SYTL4: variants seen among roughly 807,000 people sequenced by gnomAD.
SYTL4 encodes synaptotagmin-like protein 4.
In SYTL4, 16 loss-of-function variants were observed where a neutral mutation model predicts 52.7. The observed-to-expected ratio is 0.30, with a 90% confidence interval of 0.21 to 0.46. The LOEUF is 0.46. Ranked by LOEUF, SYTL4 falls within the 20% of genes least tolerant of loss-of-function variation. The pLI is 1.00. For missense variants in SYTL4, 423 were observed against 519.9 expected (o/e 0.81, Z 1.81); for synonymous variants, 160 against 186.6 (o/e 0.86, Z 1.16).
rs754334762 is a variant in SYTL4 at position 100,676,027 on chromosome X, C to T, written c.*1G>A. ...CTGGACCTGCAGAAGAGGACAGGGA[C>T]TCATAAACCCAGCTTCTGCTTGGCC... is the stretch of plus-strand genomic sequence containing the variant. On this transcript the variant is annotated 3_prime_UTR_variant, in exon 20 of 20. Transcript: ENST00000372989. 8.3e-7 allele frequency: 1 copy of T among 1,208,518 alleles called. No individual in the cohort carries two copies. The highest frequency in any genetic ancestry group is 1.8e-5 in the South Asian group (1 of 56,125).
rs2083580388 is a variant in SYTL4 at position 100,690,743 on chromosome X, A to C, written c.642-105T>G. Reference sequence around the variant, plus strand: ...GAGAGCCAATGGCTTGGGTCATCGTAATAACCAAATTCAGAAGGTACACTT... The same window carrying C: ...GAGAGCCAATGGCTTGGGTCATCGTCATAACCAAATTCAGAAGGTACACTT... On this transcript the variant is annotated intron_variant, in intron 9 of 19. Coordinates refer to ENST00000372989, the MANE Select transcript of SYTL4 (RefSeq NM_001370165.1). 7.0e-6 allele frequency: 4 copies of C among 567,470 alleles called. No individual in the cohort carries two copies. The East Asian group carries it at 1.5e-4, about 21-fold the overall frequency. 46.8% of individuals were successfully genotyped at this position (567,470 alleles called of 1,213,427 possible).
chrX:100,697,608 A>G (rs184601008), intron 8 of SYTL4, among the ~76,000 whole-genome samples: 1 of 112,247 alleles, frequency 8.9e-6, no homozygotes, highest in African/African-American at 3.2e-5. Context: ...GCTTTACACT[A>G]CAGGGGAACT....
At chrX:100,712,563 A>G (rs1255938688) in intron 2 of SYTL4, among the ~76,000 whole-genome samples, 1 of 112,696 alleles carries the variant, frequency 8.9e-6, no homozygotes, top group Non-Finnish European at 1.9e-5. Context: ...AGATATCCAT[A>G]TGAAACAAAA....
At chrX:100,685,917 CAT>C in intron 16 of SYTL4, 71 bp downstream of exon 16, 1 of 1,035,849 alleles carries the variant, frequency 9.7e-7, no homozygotes, top group Non-Finnish European at 1.3e-6. Context: ...ACGCTACCAA[CAT>C]AGACCAGCAG....
chrX:100,719,048 G>A (rs1302335046), intron 2 of SYTL4, among the ~76,000 whole-genome samples: 6 of 110,877 alleles, frequency 5.4e-5, no homozygotes, highest in Non-Finnish European at 1.1e-4. Flanking sequence ...TGCCCATCTC[G>A]GCCTCCCAAC....
In SYTL4 at chrX:100,679,316, T is replaced by G. The variant is rs758409685; in HGVS notation, c.1655A>C (p.Lys552Thr). Reference protein sequence around the residue: ...KAGGTSDSFVKGYLLPMRNKA... With the variant: ...KAGGTSDSFVTGYLLPMRNKA... ...TGGGGCTGGTCTAGGGACTCACCCCTTGACAAAGCTGTCTGAAGTCCCTCC... is the reference window on the plus strand; with the variant it reads ...TGGGGCTGGTCTAGGGACTCACCCCGTGACAAAGCTGTCTGAAGTCCCTCC... The change falls in exon 18 of 20, where the codon AAG (lysine) becomes ACG (threonine). Residue 552 changes from lysine (K) to threonine (T), a missense_variant. Lys to Thr is a moderately conservative substitution (Grantham distance 78, BLOSUM62 -1). Coordinates refer to ENST00000372989, the MANE Select transcript of SYTL4 (RefSeq NM_001370165.1). 9.9e-6 allele frequency: 12 copies of G among 1,206,722 alleles called. No homozygotes were observed. Among genetic ancestry groups the G allele is most frequent in the Middle Eastern group, 4.7e-4 (2 of 4,253 alleles).
chrX:100,710,088 G>C (rs1235359774), intron 2 of SYTL4, among the ~76,000 whole-genome samples: 3 of 111,771 alleles, frequency 2.7e-5, no homozygotes, highest in East Asian at 5.6e-4. Flanking sequence ...GGGCCAAAAG[G>C]CTGAACTGAT....
At chrX:100,710,634 CA>C (rs2084049732) in intron 2 of SYTL4, among the ~76,000 whole-genome samples, 1 of 112,163 alleles carries the variant, frequency 8.9e-6, no homozygotes, top group South Asian at 3.7e-4. Context: ...GAACATCAGG[CA>C]ATGAAGGATT....
rs887527150 is a variant in SYTL4, at chrX:100,676,180, A to G, written c.1868-4T>C. 1.7e-6 allele frequency: 2 copies of G among 1,208,862 alleles called. No homozygotes were observed. The highest frequency in any genetic ancestry group is 2.2e-6 in the Non-Finnish European group (2 of 894,903). The stretch of plus-strand genomic sequence containing the variant: ...ACCACTTCCCCATTACTGATCCCTG[A>G]GGAGAAACACCAGAAGAGGCTAAAG... On this transcript the variant is annotated splice_region_variant and splice_polypyrimidine_tract_variant and intron_variant, in intron 19 of 19. Coordinates refer to ENST00000372989, the MANE Select transcript of SYTL4 (RefSeq NM_001370165.1).
At chrX:100,727,077 T>C (rs73636614) in intron 2 of SYTL4, among the ~76,000 whole-genome samples, 307 of 111,643 alleles carry the variant, frequency 2.7e-3, no homozygotes, top group African/African-American at 9.7e-3. Flanking sequence ...GATGTTGTCA[T>C]TGGCCTCCTA....
intron 16 of SYTL4, among the ~76,000 whole-genome samples, chrX:100,683,166 G>C (rs2083413221): frequency 1.2e-5 from 1 of 83,912 alleles, no homozygotes; most frequent in Non-Finnish European, 2.3e-5. Context: ...TTTTGAGACA[G>C]GGTTTCATTC....
At chrX:100,682,972 G>A (rs898195577) in intron 16 of SYTL4, among the ~76,000 whole-genome samples, 3 of 109,849 alleles carry the variant, frequency 2.7e-5, no homozygotes, top group Non-Finnish European at 5.7e-5. Flanking sequence ...AAGAGTGAAC[G>A]AATGAATGTC....
chrX:100,724,003 C>T (rs1190273931), intron 2 of SYTL4, among the ~76,000 whole-genome samples: 11 of 94,050 alleles, frequency 1.2e-4, no homozygotes, highest in African/African-American at 4.5e-4. Context: ...CCGCCCCGTC[C>T]GGGAGGGAGG....
intron 8 of SYTL4, among the ~76,000 whole-genome samples, chrX:100,697,958 A>G (rs1025150863): frequency 8.9e-6 from 1 of 111,776 alleles, no homozygotes; most frequent in African/African-American, 3.2e-5. Flanking sequence ...ATAATAAAAC[A>G]GAAAGAAAAA....
intron 2 of SYTL4, among the ~76,000 whole-genome samples, chrX:100,713,620 G>GC (rs1298162993): frequency 1.7e-4 from 1 of 5,934 alleles, no homozygotes; most frequent in Non-Finnish European, 7.4e-4. Context: ...TGCCTCAAAA[G>GC]GGGGAAAAAA....
chrX:100,694,235 G>C (rs757487621), intron 8 of SYTL4, among the ~76,000 whole-genome samples: 1 of 111,707 alleles, frequency 9.0e-6, no homozygotes, highest in African/African-American at 3.3e-5. Context: ...GCCCCTCAGA[G>C]CCATCCTTCT....
Position 100,681,276 on chromosome X carries a change from C to T in SYTL4, c.1509G>A (p.Leu503=), listed in dbSNP as rs775087165. Residue 503 remains leucine, a synonymous_variant, in exon 17 of 20, where the codon TTG becomes TTA. Coordinates refer to ENST00000372989, the MANE Select transcript of SYTL4 (RefSeq NM_001370165.1). ...PSHKGELVVS[L]KYIPASKTPV... is the part of the protein sequence containing the mutation. Reference sequence around the variant, plus strand: ...GGGTTTTGGAGGCTGGGATGTATTTCAATGAAACCACCAACTCGCCTTTGT... The same window carrying T: ...GGGTTTTGGAGGCTGGGATGTATTTTAATGAAACCACCAACTCGCCTTTGT... The T allele has an allele frequency of 7.4e-6, 9 of 1,211,482 alleles. No homozygotes were observed. Among genetic ancestry groups the T allele is most frequent in the Non-Finnish European group, 8.9e-6 (8 of 895,397 alleles).
chrX:100,690,972 A>C, intron 9 of SYTL4, 136 bp downstream of exon 9: 1 of 485,350 alleles, frequency 2.1e-6, no homozygotes, highest in Non-Finnish European at 3.6e-6. Flanking sequence ...TAGACGTGCT[A>C]CTGAAAAGAC....
intron 8 of SYTL4, among the ~76,000 whole-genome samples, chrX:100,697,973 T>C: frequency 9.0e-6 from 1 of 111,210 alleles, no homozygotes. Context: ...GAAAAAGAGT[T>C]CTGAGACATG....
Sources: allele counts gnomAD v4.1 joint callset (sites outside exome capture counted in the v4.1 genomes callset), GRCh38; gene constraint gnomAD v4.1.1; transcripts MANE v1.5; gene names NCBI Gene and HGNC (gene_info 2026-07-23, HGNC 2026-07-21).